Variants in MKLN1 observed in about 807,000 individuals in gnomAD.
MKLN1 encodes muskelin.
A neutral mutation model predicts 99.0 loss-of-function variants in MKLN1; 18 were observed. The observed-to-expected ratio is 0.18, with a 90% CI of 0.13 to 0.27. MKLN1 has a LOEUF of 0.27. MKLN1 is among the 10% of genes least tolerant of loss of function. MKLN1 has a pLI of 1.00. For missense variants in MKLN1, 621 were observed against 875.9 expected (o/e 0.71, Z 3.67); for synonymous variants, 288 against 293.2 (o/e 0.98, Z 0.18).
chr7:131,379,569 A>G (rs1019567200), intron 2 of MKLN1, among the ~76,000 whole-genome samples: 1 of 152,228 alleles, frequency 6.6e-6, no homozygotes, highest in African/African-American at 2.4e-5. Flanking sequence ...GTCAAATTTT[A>G]AAAAATATTT....
At chr7:131,175,946 T>C (rs1796292891) in intron 2 of MKLN1, among the ~76,000 whole-genome samples, 1 of 151,908 alleles carries the variant, frequency 6.6e-6, no homozygotes. Flanking sequence ...CTATTACATA[T>C]CTCCAAAAGC....
intron 12 of MKLN1, among the ~76,000 whole-genome samples, chr7:131,453,552 A>G (rs1449520441): frequency 1.3e-5 from 2 of 152,190 alleles, no homozygotes; most frequent in East Asian, 3.8e-4. Context: ...AAATATGAAT[A>G]AATGGGAAAA....
intron 3 of MKLN1, among the ~76,000 whole-genome samples, chr7:131,299,339 C>G (rs1014826030): frequency 2.0e-5 from 3 of 152,100 alleles, no homozygotes; most frequent in Non-Finnish European, 4.4e-5. Flanking sequence ...AACAGAGAAC[C>G]ATTTTTCTGG....
rs961512692 is a variant in MKLN1, at chr7:131,443,044, G to A, written c.1174-437G>A. Among the ~76,000 whole-genome samples, 3 of 152,144 alleles carry A rather than the reference G, an allele frequency of 2.0e-5. No homozygotes were observed. The South Asian group carries it at 6.2e-4, about 32-fold the overall frequency. ...TTTATAAAAATAAATGCAGAGAGGT[G>A]AATTTAGCTTCACCACTCTTATTTG... On this transcript the variant is annotated intron_variant, in intron 10 of 17. Transcript: ENST00000352689.
At chr7:131,371,005 T>A (rs1793429953) in intron 1 of MKLN1, among the ~76,000 whole-genome samples, 1 of 152,186 alleles carries the variant, frequency 6.6e-6, no homozygotes, top group Admixed American at 6.5e-5. Context: ...TTCTGGTCTG[T>A]ATTTTATTTC....
At position 131,492,814 on chromosome 7, in the gene MKLN1, A is replaced by G. The variant is rs555034452; in HGVS notation, c.*5086A>G. 8 of 152,172 alleles carry G rather than the reference A, an allele frequency of 5.3e-5. No individual in the cohort carries two copies. The highest frequency in any genetic ancestry group is 1.0e-4 in the Non-Finnish European group (7 of 68,044). 9.4% of individuals were successfully genotyped at this position (152,172 alleles called of 1,614,324 possible). A position where few individuals can be genotyped will look rare whatever the true frequency, so the allele number is the denominator to read the frequency against. On this transcript the variant is annotated 3_prime_UTR_variant, in exon 18 of 18. Coordinates refer to ENST00000352689, the MANE Select transcript of MKLN1 (RefSeq NM_013255.5). Reference sequence around the variant, plus strand: ...TCTTAGGCCAGTCATAGCCAATGAAATCATCTGACGGTAGCTTCTGTAGCC... The same window carrying G: ...TCTTAGGCCAGTCATAGCCAATGAAGTCATCTGACGGTAGCTTCTGTAGCC...
chr7:131,371,851 C>T (rs147885830), intron 1 of MKLN1, among the ~76,000 whole-genome samples: 9 of 151,316 alleles, frequency 5.9e-5, no homozygotes, highest in African/African-American at 2.2e-4. Context: ...CTCATATTTA[C>T]TGTGGTTTTT....
intron 9 of MKLN1, among the ~76,000 whole-genome samples, chr7:131,432,179 T>C (rs1795543947): frequency 6.6e-6 from 1 of 151,940 alleles, no homozygotes; most frequent in Admixed American, 6.6e-5. Context: ...TACTCTTTAG[T>C]GAGTAAGTAG....
rs1797490986 is a variant in MKLN1 at position 131,494,119 on chromosome 7, G to A, written c.*6391G>A. The A allele has an allele frequency of 6.6e-6, 1 of 152,188 alleles. No individual in the cohort carries two copies. The highest frequency in any genetic ancestry group is 1.5e-5 in the Non-Finnish European group (1 of 68,032). 9.4% of individuals were successfully genotyped at this position (152,188 alleles called of 1,614,324 possible). On this transcript the variant is annotated 3_prime_UTR_variant, in exon 18 of 18. Coordinates refer to ENST00000352689, the MANE Select transcript of MKLN1 (RefSeq NM_013255.5). The stretch of plus-strand genomic sequence containing the variant: ...ATAACTTGTAACACAGAATTGAACT[G>A]ATACTAGTTTCCTTGCCTTAAATTA...
chr7:131,353,725 ATTT>A (rs978903441), intron 1 of MKLN1, among the ~76,000 whole-genome samples: 1 of 150,320 alleles, frequency 6.7e-6, no homozygotes, highest in Admixed American at 6.6e-5. Context: ...TTATGTTTAT[ATTT>A]TTTTAAAGTT....
chr7:131,215,165 G>A (rs1009616271), intron 3 of MKLN1, among the ~76,000 whole-genome samples: 2 of 152,094 alleles, frequency 1.3e-5, no homozygotes, highest in Admixed American at 1.3e-4. Flanking sequence ...TCCCACCTCA[G>A]CCCCCACCAA....
intron 3 of MKLN1, among the ~76,000 whole-genome samples, chr7:131,262,131 G>T (rs965981411): frequency 6.6e-6 from 1 of 152,072 alleles, no homozygotes; most frequent in Non-Finnish European, 1.5e-5. Flanking sequence ...CCTAAAAAAA[G>T]ATTTTTTTTT....
At chr7:131,328,966 G>C (rs890264350) in intron 1 of MKLN1, among the ~76,000 whole-genome samples, 5 of 152,220 alleles carry the variant, frequency 3.3e-5, no homozygotes, top group African/African-American at 1.2e-4. Context: ...AACTGGCTTA[G>C]TAAAGGGTTA....
At chr7:131,297,692 C>T (rs535509468) in intron 3 of MKLN1, among the ~76,000 whole-genome samples, 1 of 152,142 alleles carries the variant, frequency 6.6e-6, no homozygotes, top group Non-Finnish European at 1.5e-5. Context: ...TCAATCAGTG[C>T]TCCTTATGAT....
intron 1 of MKLN1, among the ~76,000 whole-genome samples, chr7:131,130,798 C>T (rs1419050767): frequency 6.6e-6 from 1 of 151,960 alleles, no homozygotes; most frequent in East Asian, 1.9e-4. Flanking sequence ...GCCTAAAATC[C>T]AAGCACTTTG....
At chr7:131,150,878 T>C (rs1795879362) in intron 2 of MKLN1, among the ~76,000 whole-genome samples, 1 of 151,926 alleles carries the variant, frequency 6.6e-6, no homozygotes, top group Non-Finnish European at 1.5e-5. Context: ...ATTAGATAAA[T>C]AAAATGTCTT....
At chr7:131,454,503 A>ATGTTGG (rs1288534528) in intron 12 of MKLN1, among the ~76,000 whole-genome samples, 1 of 152,230 alleles carries the variant, frequency 6.6e-6, no homozygotes, top group Non-Finnish European at 1.5e-5. Flanking sequence ...CAACATTTAA[A>ATGTTGG]ATGTCCCAAC....
chr7:131,208,906 T>C (rs1163207103), intron 3 of MKLN1, among the ~76,000 whole-genome samples: 2 of 152,184 alleles, frequency 1.3e-5, no homozygotes, highest in African/African-American at 2.4e-5. Context: ...TAGACAGTGA[T>C]AGCAATGCAG....
At chr7:131,113,667 CAAAA>C (rs71168363) in intron 1 of MKLN1, among the ~76,000 whole-genome samples, 2 of 96,506 alleles carry the variant, frequency 2.1e-5, no homozygotes, top group African/African-American at 3.6e-5. Context: ...TACAAAAATA[CAAAA>C]AAAAAAAAAA....
Sources: allele counts gnomAD v4.1 joint callset (sites outside exome capture counted in the v4.1 genomes callset), GRCh38; gene constraint gnomAD v4.1.1; transcripts MANE v1.5; gene names NCBI Gene and HGNC (gene_info 2026-07-23, HGNC 2026-07-21).